Variants in PIK3C2G observed in about 807,000 individuals in gnomAD.
PIK3C2G encodes the protein phosphatidylinositol 3-kinase C2 domain-containing subunit gamma.
In PIK3C2G, 168 loss-of-function variants were observed where a neutral mutation model predicts 181.1. The ratio of observed to expected loss-of-function variants is 0.93; its 90% confidence interval spans 0.82 to 1.05. The LOEUF (loss-of-function observed/expected upper bound fraction) is 1.05. Among genes scored for constraint, PIK3C2G ranks in the 50% least tolerant of loss-of-function variants. The pLI is 0.00. For missense variants in PIK3C2G, 1,869 were observed against 1,732.8 expected, an observed-to-expected ratio of 1.08 and a Z score of -1.40; for synonymous variants, 573 against 592.2, an observed-to-expected ratio of 0.97 and a Z score of 0.47.
chr12:18,358,672 C>T, intron 11 of PIK3C2G: 1 of 495,660 alleles, frequency 2.0e-6, no homozygotes, highest in Non-Finnish European at 4.1e-6. Flanking sequence ...ATCATCCTGT[C>T]CCACAAAATC....
intron 16 of PIK3C2G, among the ~76,000 whole-genome samples, chr12:18,406,411 G>C (rs1057348726): frequency 3.4e-4 from 52 of 152,102 alleles, no homozygotes; most frequent in African/African-American, 1.2e-3. Flanking sequence ...TGAGATTACT[G>C]GGTCGTATTT....
intron 18 of PIK3C2G, among the ~76,000 whole-genome samples, chr12:18,432,216 A>G (rs1373637786): frequency 1.3e-5 from 2 of 152,198 alleles, no homozygotes; most frequent in Admixed American, 6.5e-5. Context: ...CTTCTACCAC[A>G]AATCAAGTCA....
At chr12:18,638,951 C>CAAA (rs779064940) in intron 31 of PIK3C2G, among the ~76,000 whole-genome samples, 127 of 97,586 alleles carry the variant, frequency 1.3e-3, no homozygotes, top group African/African-American at 4.0e-3. Flanking sequence ...CTCTTCTCAC[C>CAAA]AAAAAAAAAA....
chr12:18,511,290 C>T (rs1440813249), intron 24 of PIK3C2G, among the ~76,000 whole-genome samples: 1 of 152,078 alleles, frequency 6.6e-6, no homozygotes, highest in Non-Finnish European at 1.5e-5. Context: ...AAGAATATGA[C>T]AGTGAAGACA....
chr12:18,538,259 G>C lies in PIK3C2G; in HGVS notation c.3427G>C (p.Ala1143Pro), dbSNP rs768789794. Residue 1143 changes from alanine (A) to proline (P), a missense_variant, in exon 25 of 33, where the codon GCT (alanine) becomes CCT (proline). Ala to Pro is a conservative substitution (Grantham distance 27, BLOSUM62 -1). Transcript: ENST00000538779. ...AGATTTTGTGGAACTTTGCTGTCGTGCTTATAATATTATCAGAAAGCACAG... is the reference window on the plus strand; with the variant it reads ...AGATTTTGTGGAACTTTGCTGTCGTCCTTATAATATTATCAGAAAGCACAG... The part of the protein sequence containing the change: ...FQDFVELCCR[A>P]YNIIRKHSQL... The C allele has an allele frequency of 6.2e-7, 1 of 1,612,154 alleles. No individual in the cohort carries two copies. Among genetic ancestry groups the C allele is most frequent in the Non-Finnish European group, 8.5e-7 (1 of 1,178,990 alleles).
Position 18,303,100 on chromosome 12 carries a change from C to G in PIK3C2G, c.1034+9085C>G, listed in dbSNP as rs199776537. Among the ~76,000 whole-genome samples, 53 of 75,118 alleles carry G rather than the reference C, an allele frequency of 7.1e-4. No individual in the cohort carries two copies. In the East Asian group the frequency reaches 0.038, roughly 54 times the overall value. The allele number at this position is 75,118 out of a possible 152,430, so 49.3% of individuals were successfully genotyped here. Reference sequence around the variant, plus strand: ...TAAGTAATTTCTTTTTCTTTTCTTTCTCTTTCTTTCTTTCCTTCTTTCTTT... The same window carrying G: ...TAAGTAATTTCTTTTTCTTTTCTTTGTCTTTCTTTCTTTCCTTCTTTCTTT... On this transcript the variant is annotated intron_variant, in intron 5 of 32. Coordinates refer to ENST00000538779, the MANE Select transcript of PIK3C2G (RefSeq NM_001288772.2).
chr12:18,451,959 T>C (rs1947388230), intron 18 of PIK3C2G, among the ~76,000 whole-genome samples: 1 of 152,238 alleles, frequency 6.6e-6, no homozygotes, highest in Admixed American at 6.5e-5. Flanking sequence ...GATGTGCTGC[T>C]GGATTTGGTT....
chr12:18,565,127 C>T (rs1424788341), intron 28 of PIK3C2G, among the ~76,000 whole-genome samples: 1 of 151,994 alleles, frequency 6.6e-6, no homozygotes, highest in African/African-American at 2.4e-5. Flanking sequence ...ACAAAGGGGC[C>T]CAGGCTTACA....
intron 5 of PIK3C2G, among the ~76,000 whole-genome samples, chr12:18,300,643 T>A (rs1025378606): frequency 6.6e-6 from 1 of 152,120 alleles, no homozygotes; most frequent in Non-Finnish European, 1.5e-5. Flanking sequence ...GAGGACTTAT[T>A]CCTGTCATTT....
At chr12:18,364,884 A>C (rs1379265827) in intron 12 of PIK3C2G, among the ~76,000 whole-genome samples, 1 of 120,256 alleles carries the variant, frequency 8.3e-6, no homozygotes, top group African/African-American at 3.2e-5. Context: ...CAAGTCTAAA[A>C]ACAAACAAAC....
intron 26 of PIK3C2G, among the ~76,000 whole-genome samples, chr12:18,553,925 A>G (rs1448782841): frequency 6.6e-6 from 1 of 152,050 alleles, no homozygotes; most frequent in East Asian, 1.9e-4. Flanking sequence ...ATTTCCAAAG[A>G]CTTTTCCTAC....
intron 13 of PIK3C2G, among the ~76,000 whole-genome samples, chr12:18,377,011 T>G (rs1013268253): frequency 2.6e-5 from 4 of 152,200 alleles, no homozygotes; most frequent in South Asian, 4.1e-4. Flanking sequence ...GACACAAGAA[T>G]AGCCTACACA....
intron 25 of PIK3C2G, among the ~76,000 whole-genome samples, chr12:18,542,823 G>C (rs1218178728): frequency 6.6e-6 from 1 of 151,888 alleles, no homozygotes; most frequent in Non-Finnish European, 1.5e-5. Context: ...TGGGCATTTA[G>C]GTTGATTCCA....
At chr12:18,284,329 C>A (rs1949350935) in intron 2 of PIK3C2G, among the ~76,000 whole-genome samples, 1 of 152,008 alleles carries the variant, frequency 6.6e-6, no homozygotes, top group Admixed American at 6.6e-5. Context: ...GCTACATCAA[C>A]CAAAATAGAT....
rs554400820 is a variant in PIK3C2G, at chr12:18,463,282, A to G, written c.2505-25167A>G. The stretch of plus-strand genomic sequence containing the variant: ...ATGCATACTTATAGTAGAGCTTACC[A>G]ATTTTAGTAACATATCTAATGGAAA... On this transcript the variant is annotated intron_variant, in intron 18 of 32. Transcript: ENST00000538779. 2.6e-5 allele frequency among the ~76,000 whole-genome samples: 4 copies of G among 152,318 alleles called. No homozygotes were observed. In the East Asian group the frequency reaches 7.7e-4, roughly 29 times the overall value.
the PIK3C2G span, among the ~76,000 whole-genome samples, chr12:18,721,302 G>T: frequency 6.6e-6 from 1 of 152,136 alleles, no homozygotes; most frequent in African/African-American, 2.4e-5. Context: ...GAGGGATGAG[G>T]CTGAGGAACT....
At chr12:18,699,864 T>A in the PIK3C2G span, 38 of 1,613,050 alleles carry the variant, frequency 2.4e-5, no homozygotes, top group Non-Finnish European at 3.4e-6. Flanking sequence ...GCTGATATAA[T>A]CTTGAATGTT....
intron 11 of PIK3C2G, among the ~76,000 whole-genome samples, chr12:18,358,141 G>A (rs916712247): frequency 1.3e-5 from 2 of 152,144 alleles, no homozygotes; most frequent in Non-Finnish European, 1.5e-5. Flanking sequence ...TTATATGGTA[G>A]TTCTATTTTT....
At position 18,343,466 on chromosome 12, in the gene PIK3C2G, AACAC is replaced by A. The variant is rs61320852; in HGVS notation, c.1429+129_1429+132del. On this transcript the variant is annotated intron_variant, in intron 10 of 32. Transcript: ENST00000538779. The stretch of plus-strand genomic sequence containing the variant: ...TTATGCAAATACTGTGGTAACACAC[AACAC>A]ACACACACACACACACACACACGAG... The A allele has an allele frequency of 2.7e-3, 1,309 of 491,244 alleles. 5 individuals carry two copies. The highest frequency in any genetic ancestry group is 0.011 in the African/African-American group (553 of 48,588). 30.4% of individuals were successfully genotyped at this position (491,244 alleles called of 1,614,324 possible). A position where few individuals can be genotyped will look rare whatever the true frequency, so the allele number is the denominator to read the frequency against.
Sources: gnomAD v4.1 joint callset for allele counts (sites outside exome capture counted in the v4.1 genomes callset) on GRCh38, gnomAD v4.1.1 for gene constraint, MANE v1.5 for transcripts, NCBI Gene and HGNC (gene_info 2026-07-23, HGNC 2026-07-21) for gene names.